ROR1: variants seen among roughly 807,000 people sequenced by gnomAD.
ROR1 encodes the protein ROR family WNT receptor 1, also known as inactive tyrosine-protein kinase transmembrane receptor ROR1.
Under a neutral mutation model 78.8 loss-of-function variants are expected in ROR1, and 19 were observed. The ratio of observed to expected loss-of-function variants is 0.24; its 90% CI spans 0.17 to 0.35. The LOEUF is 0.35. Ranked by LOEUF, ROR1 falls within the 10% of genes least tolerant of loss-of-function variation. The pLI is 1.00. For synonymous variants in ROR1, 386 were observed against 433.6 expected (o/e 0.89, Z 1.36); for missense variants, 917 against 1,177.8 (o/e 0.78, Z 3.24).
At chr1:63,897,073 C>T (rs188177190) in intron 1 of ROR1, among the ~76,000 whole-genome samples, 29 of 152,272 alleles carry the variant, frequency 1.9e-4, no homozygotes, top group Admixed American at 1.6e-3. Flanking sequence ...CTGGCTATTC[C>T]AGCTCTCAGG....
chr1:63,947,462 G>A (rs1645899506), intron 1 of ROR1, among the ~76,000 whole-genome samples: 1 of 152,162 alleles, frequency 6.6e-6, no homozygotes, highest in Non-Finnish European at 1.5e-5. Flanking sequence ...CAGTGTTAAA[G>A]CATTCCCATC....
intron 1 of ROR1, among the ~76,000 whole-genome samples, chr1:63,916,129 C>T (rs1218550738): frequency 6.6e-6 from 1 of 152,200 alleles, no homozygotes; most frequent in Admixed American, 6.5e-5. Flanking sequence ...TTTTTCTTCC[C>T]TTGAAATATC....
At chr1:63,787,438 T>TTTCCTTCCTTCCTTCCTTCCTTCCTTCC (rs72297365) in intron 1 of ROR1, among the ~76,000 whole-genome samples, 2 of 127,812 alleles carry the variant, frequency 1.6e-5, no homozygotes, top group African/African-American at 6.0e-5. Context: ...ATTGCCTTTC[T>TTTCCTTCCTTCCTTCCTTCCTTCCTTCC]TTCCTTCCTT....
intron 1 of ROR1, among the ~76,000 whole-genome samples, chr1:63,904,540 C>T (rs1462850186): frequency 1.3e-5 from 2 of 152,138 alleles, no homozygotes; most frequent in African/African-American, 2.4e-5. Flanking sequence ...TTAAACCAGC[C>T]TGTTATGAAT....
intron 1 of ROR1, among the ~76,000 whole-genome samples, chr1:63,842,825 T>C (rs1327065676): frequency 2.0e-5 from 3 of 151,358 alleles, no homozygotes; most frequent in Admixed American, 2.0e-4. Context: ...ACAGCAAGCA[T>C]AGAGTCACTA....
intron 1 of ROR1, among the ~76,000 whole-genome samples, chr1:63,923,066 C>T (rs1645670363): frequency 6.6e-6 from 1 of 152,188 alleles, no homozygotes; most frequent in African/African-American, 2.4e-5. Flanking sequence ...CCCATCATGT[C>T]ACGGGGCATG....
intron 7 of ROR1, among the ~76,000 whole-genome samples, chr1:64,146,271 T>A (rs529235684): frequency 5.3e-4 from 80 of 151,738 alleles, no homozygotes; most frequent in South Asian, 2.7e-3. Context: ...AGGTCAGGAG[T>A]TCAAGACCAG....
intron 4 of ROR1, among the ~76,000 whole-genome samples, chr1:64,126,401 T>C (rs1184800958): frequency 6.6e-6 from 1 of 152,122 alleles, no homozygotes; most frequent in Non-Finnish European, 1.5e-5. Context: ...GCAATCTACC[T>C]ATTAGCTCAT....
At chr1:63,865,738 G>T (rs1022768688) in intron 1 of ROR1, among the ~76,000 whole-genome samples, 1 of 152,184 alleles carries the variant, frequency 6.6e-6, no homozygotes, top group Non-Finnish European at 1.5e-5. Context: ...ACAGTGCTTG[G>T]CACATAGCGG....
At chr1:63,830,687 C>T (rs748442070) in intron 1 of ROR1, among the ~76,000 whole-genome samples, 4 of 152,086 alleles carry the variant, frequency 2.6e-5, no homozygotes, top group Admixed American at 1.3e-4. Flanking sequence ...ACTCCTGGCC[C>T]CTTTCAAAGC....
At chr1:63,807,413 G>C (rs752138113) in intron 1 of ROR1, among the ~76,000 whole-genome samples, 4 of 152,140 alleles carry the variant, frequency 2.6e-5, no homozygotes, top group Admixed American at 6.5e-5. Context: ...CACTCAGGTG[G>C]GTGAAGGAGG....
intron 2 of ROR1, among the ~76,000 whole-genome samples, chr1:64,035,429 C>T (rs1457706177): frequency 1.3e-5 from 2 of 152,072 alleles, no homozygotes; most frequent in Non-Finnish European, 2.9e-5. Context: ...TCATAATAGC[C>T]CTCTGTTGTC....
chr1:64,000,653 A>C lies in ROR1; in HGVS notation c.92-8652A>C, dbSNP rs12756958. Among the ~76,000 whole-genome samples the C allele has an allele frequency of 3.5e-3, 538 of 152,314 alleles. 3 individuals are homozygous for C. Among genetic ancestry groups the C allele is most frequent in the Non-Finnish European group, 6.5e-3 (439 of 68,030 alleles). ...AACTAGAAGGCCCTGGATTGGAAAA[A>C]GTTGCTATGGCTGTAGTGGAGTGAG... On this transcript the variant is annotated intron_variant, in intron 1 of 8. Coordinates refer to ENST00000371079, the MANE Select transcript of ROR1 (RefSeq NM_005012.4).
Position 64,014,740 on chromosome 1 carries a change from C to CTATGTGTATATATATATA in ROR1, c.163+5367_163+5368insGTGTATATATATATATAT, listed in dbSNP as rs1646504735. Among the ~76,000 whole-genome samples the CTATGTGTATATATATATA allele has an allele frequency of 6.9e-5, 2 of 29,048 alleles. 1 individual carries two copies. The highest frequency in any genetic ancestry group is 2.2e-4 in the African/African-American group (2 of 8,956). The allele number at this position is 29,048 out of a possible 152,430, so 19.1% of individuals were successfully genotyped here. ...ATATATATATATACACATACGCACACTATATATATATATATATATATATAT... is the reference window on the plus strand; with the variant it reads ...ATATATATATATACACATACGCACACTATGTGTATATATATATATATATATATATATATATATATATAT... On this transcript the variant is annotated intron_variant, in intron 2 of 8. Transcript: ENST00000371079.
At chr1:63,849,467 G>A (rs1379882869) in intron 1 of ROR1, among the ~76,000 whole-genome samples, 1 of 152,158 alleles carries the variant, frequency 6.6e-6, no homozygotes, top group Non-Finnish European at 1.5e-5. Flanking sequence ...GGAGGCTGAG[G>A]CTGAAGGATC....
chr1:63,846,118 ATGTGTGTGTGTGTGTGTGTGTG>A (rs71056009), intron 1 of ROR1, among the ~76,000 whole-genome samples: 28,188 of 136,444 alleles, frequency 0.21, 2,892 homozygotes, highest in Middle Eastern at 0.26. Flanking sequence ...GAGAGAGAGA[ATGTGTGTGTGTGTGTGTGTGTG>A]TGTGTGTGTG....
At chr1:63,804,983 G>C (rs1569740202) in intron 1 of ROR1, among the ~76,000 whole-genome samples, 1 of 152,212 alleles carries the variant, frequency 6.6e-6, no homozygotes, top group African/African-American at 2.4e-5. Flanking sequence ...CTGGCTTTCA[G>C]CAGTTGCCTC....
At chr1:64,006,706 C>T (rs1401168801) in intron 1 of ROR1, among the ~76,000 whole-genome samples, 2 of 152,092 alleles carry the variant, frequency 1.3e-5, no homozygotes, top group African/African-American at 4.8e-5. Flanking sequence ...ATTTTTGGCT[C>T]AGGACGTTGG....
intron 1 of ROR1, among the ~76,000 whole-genome samples, chr1:63,928,014 G>A (rs560777940): frequency 5.4e-5 from 8 of 147,668 alleles, no homozygotes; most frequent in Admixed American, 4.8e-4. Flanking sequence ...TGGCAACTGC[G>A]TGGTTTTGAA....
Sources: allele counts gnomAD v4.1 joint callset (sites outside exome capture counted in the v4.1 genomes callset), GRCh38; gene constraint gnomAD v4.1.1; transcripts MANE v1.5; gene names NCBI Gene and HGNC (gene_info 2026-07-23, HGNC 2026-07-21).